The following ENDOV variants were observed in gnomAD, a reference collection of about 807,000 sequenced individuals.
ENDOV encodes the protein endonuclease V.
Under a neutral mutation model 39.4 loss-of-function variants are expected in ENDOV, and 37 were observed. The observed-to-expected ratio is 0.94, with a 90% confidence interval of 0.72 to 1.23. ENDOV has a LOEUF of 1.23. ENDOV is among the 50% of genes most tolerant of loss of function. The pLI is 0.00. For synonymous variants in ENDOV, 186 were observed against 163.4 expected (o/e 1.14, Z -1.05); for missense variants, 441 against 375.7 (o/e 1.17, Z -1.44).
At position 80,421,104 on chromosome 17, in the gene ENDOV, G is replaced by C. The variant is rs535170554; in HGVS notation, c.229-724G>C. Among the ~76,000 whole-genome samples the C allele has an allele frequency of 4.6e-5, 7 of 152,352 alleles. No individual in the cohort carries two copies. In the South Asian group the frequency reaches 1.2e-3, roughly 27 times the overall value. ...AGAGGTGATGCAGCCAGCAGCCTTAGCCTTGCTTCTGATGAAGACCAGGTC... is the reference window on the plus strand; with the variant it reads ...AGAGGTGATGCAGCCAGCAGCCTTACCCTTGCTTCTGATGAAGACCAGGTC... On this transcript the variant is annotated intron_variant, in intron 2 of 9. Transcript: ENST00000518137.
chr17:80,429,593 G>A (rs41301870), intron 8 of ENDOV, among the ~76,000 whole-genome samples, 180 bp from the exon 9 acceptor site: 55 of 152,326 alleles, frequency 3.6e-4, no homozygotes, highest in African/African-American at 1.3e-3. Context: ...GTTGGAGGCC[G>A]GCCCGCTTGA....
In ENDOV at chr17:80,421,984, CG is replaced by C. The variant is rs761506957; in HGVS notation, c.363+23del. 19 of 1,604,832 alleles carry C rather than the reference CG, an allele frequency of 1.2e-5. No homozygotes were observed. In the South Asian group the frequency reaches 1.7e-4, roughly 14 times the overall value. On this transcript the variant is annotated intron_variant, in intron 3 of 9. Transcript: ENST00000518137. ...CCAGGCAGGTGTCTCATCCCTAGGACGAGAGAAAGGTCCCTCCTTCCCCCTG... is the reference window on the plus strand; with the variant it reads ...CCAGGCAGGTGTCTCATCCCTAGGACAGAGAAAGGTCCCTCCTTCCCCCTG...
intron 7 of ENDOV, among the ~76,000 whole-genome samples, chr17:80,426,277 C>T (rs1415791709): frequency 6.6e-6 from 1 of 152,082 alleles, no homozygotes; most frequent in Non-Finnish European, 1.5e-5. Context: ...AGTGAGGGTT[C>T]AAGAAAAGTC....
At chr17:80,417,140 C>G (rs909008963) in intron 2 of ENDOV, 1 of 152,234 alleles carries the variant, frequency 6.6e-6, no homozygotes, top group Non-Finnish European at 1.5e-5. Context: ...CTTCAAGGCC[C>G]GTCATGACCT....
chr17:80,415,889 A>T (rs957462477), intron 2 of ENDOV, 68 bp downstream of exon 2: 2 of 1,525,318 alleles, frequency 1.3e-6, no homozygotes, highest in African/African-American at 2.8e-5. Flanking sequence ...TCTCCGGGAC[A>T]GGGAGCAGTG....
chr17:80,421,690 T>C, intron 2 of ENDOV, 138 bp from the exon 3 acceptor site: 2 of 1,155,248 alleles, frequency 1.7e-6, no homozygotes, highest in Non-Finnish European at 2.4e-6. Flanking sequence ...CATCATCTCA[T>C]AGGTGAGGCA....
chr17:80,436,051 G>T, intron 9 of ENDOV, 82 bp from the exon 10 acceptor site: 1 of 1,497,028 alleles, frequency 6.7e-7, no homozygotes, highest in Non-Finnish European at 9.2e-7. Context: ...CACTGCACCT[G>T]GCCCATTTCC....
At chr17:80,420,676 C>T (rs1464313302) in intron 2 of ENDOV, 6 of 152,162 alleles carry the variant, frequency 3.9e-5, no homozygotes, top group South Asian at 2.1e-4. Context: ...TAGTGGGAAA[C>T]GTCTTCACAT....
chr17:80,419,191 A>C (rs1160195071), intron 2 of ENDOV, among the ~76,000 whole-genome samples: 1 of 146,516 alleles, frequency 6.8e-6, no homozygotes. Context: ...AAAAAAAAAC[A>C]GATTCCAGAG....
At chr17:80,418,748 G>A (rs929021318) in intron 2 of ENDOV, 2 of 152,138 alleles carry the variant, frequency 1.3e-5, no homozygotes, top group East Asian at 1.9e-4. Flanking sequence ...TTATTTAGGG[G>A]TTAAGGAAAA....
rs770208178 is a variant in ENDOV at position 80,422,233 on chromosome 17, C to T, written c.391C>T (p.Leu131Phe). 6.2e-7 allele frequency: 1 copy of T among 1,613,628 alleles called. No individual in the cohort carries two copies. The highest frequency in any genetic ancestry group is 8.5e-7 in the Non-Finnish European group (1 of 1,179,790). The change falls in exon 4 of 10, where the codon CTC (leucine) becomes TTC (phenylalanine). Residue 131 changes from leucine to phenylalanine, a missense_variant. Transcript: ENST00000518137. ...CCTTCTTGTGGATGGAAACGGGGTACTCCACCACCGAGGTAATCCTGCTCT... is the reference window on the plus strand; with the variant it reads ...CCTTCTTGTGGATGGAAACGGGGTATTCCACCACCGAGGTAATCCTGCTCT... Reference protein sequence around the residue: ...QVLLVDGNGVLHHRGFGVACH... With the variant: ...QVLLVDGNGVFHHRGFGVACH...
At chr17:80,432,965 C>T (rs556477760) in intron 9 of ENDOV, among the ~76,000 whole-genome samples, 1 of 152,290 alleles carries the variant, frequency 6.6e-6, no homozygotes, top group African/African-American at 2.4e-5. Flanking sequence ...GCCTGGTGTC[C>T]AGGATGCCAT....
chr17:80,419,625 C>T (rs947891717), intron 2 of ENDOV: 4 of 702,808 alleles, frequency 5.7e-6, no homozygotes, highest in African/African-American at 1.7e-5. Context: ...ATCTTCCCTG[C>T]CTTCTGCTTG....
intron 9 of ENDOV, among the ~76,000 whole-genome samples, chr17:80,435,664 G>T (rs915793438): frequency 6.6e-6 from 1 of 152,076 alleles, no homozygotes; most frequent in African/African-American, 2.4e-5. Flanking sequence ...GCCCAGGCTG[G>T]TGTGCGGTGG....
intron 9 of ENDOV, among the ~76,000 whole-genome samples, chr17:80,431,468 G>A (rs928489996): frequency 5.3e-5 from 8 of 152,250 alleles, no homozygotes; most frequent in African/African-American, 1.7e-4. Context: ...AGCGGATGCC[G>A]AGGGGCTCTG....
At chr17:80,420,612 G>A (rs1029084513) in intron 2 of ENDOV, 3 of 152,224 alleles carry the variant, frequency 2.0e-5, no homozygotes, top group African/African-American at 7.2e-5. Context: ...AAGAGATTTG[G>A]GGGATTCAGT....
At chr17:80,435,609 C>T (rs2083547437) in intron 9 of ENDOV, among the ~76,000 whole-genome samples, 1 of 151,944 alleles carries the variant, frequency 6.6e-6, no homozygotes. Context: ...CATGTGCCAC[C>T]ATGCCTGGCT....
intron 9 of ENDOV, among the ~76,000 whole-genome samples, chr17:80,431,821 C>T (rs771187628): frequency 6.6e-6 from 1 of 152,202 alleles, no homozygotes; most frequent in Non-Finnish European, 1.5e-5. Context: ...CCCTCCCTTT[C>T]CACTTGCCTT....
chr17:80,417,980 C>T (rs1323580673), intron 2 of ENDOV: 4 of 152,200 alleles, frequency 2.6e-5, no homozygotes, highest in Admixed American at 2.6e-4. Flanking sequence ...TGGCTTTGTG[C>T]TTTACTTGGG....
Sources: gnomAD v4.1 joint callset for allele counts (sites outside exome capture counted in the v4.1 genomes callset) on GRCh38, gnomAD v4.1.1 for gene constraint, MANE v1.5 for transcripts, NCBI Gene and HGNC (gene_info 2026-07-23, HGNC 2026-07-21) for gene names.